CTNND2: variants seen among roughly 807,000 people sequenced by gnomAD.
CTNND2 encodes the protein catenin delta-2.
CTNND2 carries 22 observed loss-of-function variants against 144.4 expected under a neutral mutation model. The observed-to-expected ratio is 0.15, with a 90% CI of 0.11 to 0.22. The LOEUF is 0.22. CTNND2 is among the 10% of genes least tolerant of loss of function. The probability of loss-of-function intolerance (pLI) is 1.00; values close to 1 mark genes in which losing one functional copy is unlikely to be tolerated. For synonymous variants in CTNND2, 751 were observed against 695.6 expected (o/e 1.08, Z -1.25); for missense variants, 1,353 against 1,618.8 (o/e 0.84, Z 2.82).
At chr5:11,783,990 A>G (rs1581878676) in intron 1 of CTNND2, among the ~76,000 whole-genome samples, 1 of 152,320 alleles carries the variant, frequency 6.6e-6, no homozygotes, top group East Asian at 1.9e-4. Flanking sequence ...AGAGCTGGTG[A>G]CCCAGCCACG....
chr5:11,765,592 T>G (rs1789535748), intron 1 of CTNND2, among the ~76,000 whole-genome samples: 1 of 152,190 alleles, frequency 6.6e-6, no homozygotes, highest in South Asian at 2.1e-4. Flanking sequence ...AGATCAGATT[T>G]GAATATTTTG....
intron 1 of CTNND2, among the ~76,000 whole-genome samples, chr5:11,837,363 G>T (rs1794238168): frequency 6.6e-6 from 1 of 152,210 alleles, no homozygotes; most frequent in Non-Finnish European, 1.5e-5. Flanking sequence ...CAACATGGAT[G>T]ATTGTTTGAA....
At chr5:11,006,424 C>T (rs957610998) in intron 18 of CTNND2, among the ~76,000 whole-genome samples, 1 of 152,234 alleles carries the variant, frequency 6.6e-6, no homozygotes, top group Admixed American at 6.5e-5. Flanking sequence ...TACGGCGTGC[C>T]AGAGCCACAG....
At chr5:11,825,503 G>A (rs889786918) in intron 1 of CTNND2, among the ~76,000 whole-genome samples, 30 of 152,036 alleles carry the variant, frequency 2.0e-4, no homozygotes, top group Non-Finnish European at 1.2e-4. Flanking sequence ...AGAAGAAGAG[G>A]AAAGAATGAG....
intron 9 of CTNND2, among the ~76,000 whole-genome samples, chr5:11,243,088 C>G: frequency 6.6e-6 from 1 of 152,276 alleles, no homozygotes; most frequent in Middle Eastern, 3.4e-3. Context: ...TTCACTGATA[C>G]GTATTCATTT....
intron 1 of CTNND2, among the ~76,000 whole-genome samples, chr5:11,887,357 T>A (rs977197082): frequency 2.6e-5 from 4 of 152,144 alleles, no homozygotes; most frequent in African/African-American, 9.7e-5. Flanking sequence ...ATCCATGACA[T>A]AACTGATAAA....
intron 1 of CTNND2, among the ~76,000 whole-genome samples, chr5:11,759,442 C>A (rs978483351): frequency 6.6e-6 from 1 of 152,020 alleles, no homozygotes; most frequent in East Asian, 1.9e-4. Context: ...TATGATGTTT[C>A]TTTTTAAAAT....
At chr5:11,381,764 A>G (rs188888729) in intron 7 of CTNND2, among the ~76,000 whole-genome samples, 2,207 of 152,142 alleles carry the variant, frequency 0.015, 31 homozygotes, top group South Asian at 0.034. Flanking sequence ...TCAGGAGATC[A>G]AGACCATCCT....
chr5:11,770,310 G>T (rs1789843783), intron 1 of CTNND2, among the ~76,000 whole-genome samples: 1 of 151,960 alleles, frequency 6.6e-6, no homozygotes, highest in African/African-American at 2.4e-5. Flanking sequence ...ACTCAGTACT[G>T]AACTAATAAC....
intron 3 of CTNND2, among the ~76,000 whole-genome samples, chr5:11,559,983 C>A (rs1451188164): frequency 6.6e-6 from 1 of 152,190 alleles, no homozygotes; most frequent in Non-Finnish European, 1.5e-5. Context: ...CCTCCACCTG[C>A]TTTGTTCAAT....
chr5:11,755,748 T>C (rs752418792), intron 1 of CTNND2, among the ~76,000 whole-genome samples: 2 of 151,554 alleles, frequency 1.3e-5, no homozygotes, highest in Admixed American at 6.6e-5. Flanking sequence ...AATTATATTA[T>C]GAAATTCTTG....
In CTNND2 at chr5:10,992,620, G is replaced by GCCGGTC; in HGVS notation, c.3136_3141dup (p.Asp1046_Arg1047dup). 6.2e-7 allele frequency: 1 copy of GCCGGTC among 1,614,152 alleles called. No individual in the cohort carries two copies. The highest frequency in any genetic ancestry group is 8.5e-7 in the Non-Finnish European group (1 of 1,180,026). On this transcript the variant is annotated inframe_insertion, in exon 19 of 22. Coordinates refer to ENST00000304623, the MANE Select transcript of CTNND2 (RefSeq NM_001332.4). ...GTGCGGGAGGAGGAGTAGGGCCTTT[G>GCCGGTC]CCGGTCCCTCTCGATGGTTGAAGAC...
At chr5:11,604,052 C>G (rs1457712806) in intron 2 of CTNND2, among the ~76,000 whole-genome samples, 1 of 152,154 alleles carries the variant, frequency 6.6e-6, no homozygotes. Context: ...ACTGAAACTT[C>G]AATATTATTG....
intron 9 of CTNND2, among the ~76,000 whole-genome samples, chr5:11,335,038 C>T (rs1194895619): frequency 6.6e-6 from 1 of 152,100 alleles, no homozygotes; most frequent in African/African-American, 2.4e-5. Context: ...TCTTTCTTAC[C>T]TTTCCTCCTT....
intron 9 of CTNND2, among the ~76,000 whole-genome samples, chr5:11,265,596 G>C (rs1379653663): frequency 1.3e-5 from 2 of 151,860 alleles, no homozygotes; most frequent in Non-Finnish European, 2.9e-5. Context: ...AACACTCTAG[G>C]AGCGTTTGAC....
rs546773386 is a variant in CTNND2, at chr5:11,057,534, T to C, written c.2788+25162A>G. On this transcript the variant is annotated intron_variant, in intron 16 of 21. Transcript: ENST00000304623. Reference sequence around the variant, plus strand: ...CATGATTGTCAGGCCTCCCCAGCCATGTGGAGCTGTAAATCCAATAAACCT... The same window carrying C: ...CATGATTGTCAGGCCTCCCCAGCCACGTGGAGCTGTAAATCCAATAAACCT... 2.0e-5 allele frequency among the ~76,000 whole-genome samples: 3 copies of C among 152,366 alleles called. No homozygotes were observed. The East Asian group carries it at 5.8e-4, about 29-fold the overall frequency.
intron 9 of CTNND2, among the ~76,000 whole-genome samples, chr5:11,307,732 C>T (rs1449915609): frequency 6.6e-6 from 1 of 152,092 alleles, no homozygotes; most frequent in Non-Finnish European, 1.5e-5. Flanking sequence ...CTTTTAAGGG[C>T]AAACATGCAT....
chr5:11,369,421 G>A (rs1472935125), intron 7 of CTNND2, among the ~76,000 whole-genome samples: 1 of 152,178 alleles, frequency 6.6e-6, no homozygotes, highest in Non-Finnish European at 1.5e-5. Context: ...TGTCTTGCCT[G>A]TTCCTGTTCC....
rs1194633965 is a variant in CTNND2 at position 11,542,912 on chromosome 5, C to A, written c.287+22032G>T. 5.3e-5 allele frequency among the ~76,000 whole-genome samples: 8 copies of A among 152,182 alleles called. 1 individual carries two copies. Among genetic ancestry groups the A allele is most frequent in the Admixed American group, 5.2e-4 (8 of 15,280 alleles). ...CACAGGATGTCCCTGCATTTCATTTCTGAATGTTATACTCATTTATTAACA... is the reference window on the plus strand; with the variant it reads ...CACAGGATGTCCCTGCATTTCATTTATGAATGTTATACTCATTTATTAACA... On this transcript the variant is annotated intron_variant, in intron 3 of 21. Coordinates refer to ENST00000304623, the MANE Select transcript of CTNND2 (RefSeq NM_001332.4).
Sources: gnomAD v4.1 joint callset for allele counts (sites outside exome capture counted in the v4.1 genomes callset) on GRCh38, gnomAD v4.1.1 for gene constraint, MANE v1.5 for transcripts, NCBI Gene and HGNC (gene_info 2026-07-23, HGNC 2026-07-21) for gene names.